The following PRKDC variants were observed in gnomAD, a reference collection of about 807,000 sequenced individuals.
PRKDC encodes the protein DNA-dependent protein kinase catalytic subunit.
In PRKDC, 82 loss-of-function variants were observed where a neutral mutation model predicts 486.9. The observed-to-expected ratio is 0.17, with a 90% CI of 0.14 to 0.20. The LOEUF is 0.20. Ranked by LOEUF, PRKDC falls within the 10% of genes least tolerant of loss-of-function variation. The pLI is 1.00. For synonymous variants in PRKDC, 1,895 were observed against 1,837.0 expected (o/e 1.03, Z -0.81); for missense variants, 4,504 against 5,038.2 (o/e 0.89, Z 3.21).
At chr8:47,823,728 C>T in intron 64 of PRKDC, 130 bp downstream of exon 64, 1 of 1,096,224 alleles carries the variant, frequency 9.1e-7, no homozygotes, top group Non-Finnish European at 1.3e-6. Context: ...TTTTCTTCCT[C>T]ATCAACATTG....
intron 21 of PRKDC, among the ~76,000 whole-genome samples, chr8:47,925,565 G>C (rs1342501614): frequency 6.6e-6 from 1 of 152,182 alleles, no homozygotes; most frequent in Non-Finnish European, 1.5e-5. Flanking sequence ...GAAATTAATA[G>C]GGCAAGTGAA....
chr8:47,858,476 A>T, intron 48 of PRKDC, 40 bp downstream of exon 48: 5 of 1,407,590 alleles, frequency 3.6e-6, no homozygotes, highest in Non-Finnish European at 4.8e-6. Flanking sequence ...ACAGACTTAC[A>T]GAATCTATTC....
chr8:47,842,496 G>A (rs559386222), intron 54 of PRKDC, among the ~76,000 whole-genome samples: 1 of 152,196 alleles, frequency 6.6e-6, no homozygotes, highest in Admixed American at 6.5e-5. Flanking sequence ...TCAGCCAGCT[G>A]AGAACACCCA....
intron 33 of PRKDC, 21 bp downstream of exon 33, chr8:47,888,993 G>T (rs45625437): frequency 1.2e-6 from 2 of 1,604,720 alleles, no homozygotes; most frequent in Admixed American, 3.3e-5. Flanking sequence ...ACATGTCCCC[G>T]ATTGTGACCC....
At chr8:47,812,046 TCCC>T (rs2087339981) in intron 68 of PRKDC, among the ~76,000 whole-genome samples, 1 of 152,176 alleles carries the variant, frequency 6.6e-6, no homozygotes, top group African/African-American at 2.4e-5. Flanking sequence ...TGCACATGTA[TCCC>T]AGAACTTAAT....
Position 47,939,598 on chromosome 8 carries a change from T to C in PRKDC, c.1066A>G (p.Asn356Asp). The change falls in exon 11 of 86, where the codon AAC (asparagine) becomes GAC (aspartate). Residue 356 changes from asparagine to aspartate, a missense_variant. Physicochemically the swap from Asn to Asp is conservative, Grantham distance 23. Coordinates refer to ENST00000314191, the MANE Select transcript of PRKDC (RefSeq NM_006904.7). The part of the protein sequence containing the change: ...YGIIRNVDSN[N>D]KELSIAIRGY... ...CGGATAGCAATAGATAACTCCTTGTTGTTCGAATCCACATTTCTGATGATT... is the reference window on the plus strand; with the variant it reads ...CGGATAGCAATAGATAACTCCTTGTCGTTCGAATCCACATTTCTGATGATT... 1 of 1,613,766 alleles carries C rather than the reference T, an allele frequency of 6.2e-7. No individual in the cohort carries two copies. Among genetic ancestry groups the C allele is most frequent in the Non-Finnish European group, 8.5e-7 (1 of 1,179,692 alleles).
In PRKDC at chr8:47,794,218, C is replaced by T. The variant is rs930715387; in HGVS notation, c.10670+72G>A. On this transcript the variant is annotated intron_variant, in intron 74 of 85. Coordinates refer to ENST00000314191, the MANE Select transcript of PRKDC (RefSeq NM_006904.7). ...AATTTGAAAACAAATGTAGTGTCCA[C>T]GTGTGTGCTTTAACCACATTTTTAT... 8.9e-6 allele frequency: 11 copies of T among 1,236,484 alleles called. No homozygotes were observed. In the East Asian group the frequency reaches 1.8e-4, roughly 20 times the overall value. The allele number at this position is 1,236,484 out of a possible 1,614,324, so 76.6% of individuals were successfully genotyped here. A position where few individuals can be genotyped will look rare whatever the true frequency, so the allele number is the denominator to read the frequency against.
chr8:47,908,719 G>A (rs762538771), intron 25 of PRKDC, among the ~76,000 whole-genome samples: 1 of 152,172 alleles, frequency 6.6e-6, no homozygotes, highest in Admixed American at 6.5e-5. Flanking sequence ...AAGGGGTGAC[G>A]TGAACGTTCA....
intron 36 of PRKDC, among the ~76,000 whole-genome samples, chr8:47,884,562 A>G (rs1215458728): frequency 6.6e-6 from 1 of 152,340 alleles, no homozygotes; most frequent in East Asian, 1.9e-4. Context: ...TGTTTTTTCT[A>G]TCATTTCCAT....
At chr8:47,826,214 A>G (rs555814440) in intron 63 of PRKDC, among the ~76,000 whole-genome samples, 33 of 152,378 alleles carry the variant, frequency 2.2e-4, no homozygotes, top group South Asian at 2.1e-3. Flanking sequence ...TGGTATAACT[A>G]GAAAATGGAA....
intron 38 of PRKDC, among the ~76,000 whole-genome samples, chr8:47,881,087 A>AAAGC (rs1354660911): frequency 6.7e-5 from 9 of 134,900 alleles, no homozygotes; most frequent in African/African-American, 2.3e-4. Context: ...AGAAAGCAAG[A>AAAGC]AAGCAAGCAA....
At chr8:47,879,717 A>G (rs1204789857) in intron 38 of PRKDC, 59 bp from the exon 39 acceptor site, 14 of 1,351,138 alleles carry the variant, frequency 1.0e-5, no homozygotes, top group Non-Finnish European at 1.2e-5. Context: ...ATCCTACAGA[A>G]TAAATAAAAT....
chr8:47,883,421 G>A (rs952294880), intron 36 of PRKDC, among the ~76,000 whole-genome samples: 1 of 152,058 alleles, frequency 6.6e-6, no homozygotes, highest in Non-Finnish European at 1.5e-5. Flanking sequence ...GCACCATGCT[G>A]GACACTCCAT....
At position 47,859,759 on chromosome 8, in the gene PRKDC, T is replaced by C. The variant is rs2088632070; in HGVS notation, c.6059A>G (p.Asp2020Gly). ...CAGGGAAGACATATAGGAAGGACCA[T>C]CTGAAATATAAAAAAGGAGAAAATT... ...EAREAANGDS[D>G]GPSYMSSLSY... The change falls in exon 46 of 86, where the codon GAT (aspartate) becomes GGT (glycine). Residue 2020 changes from aspartate (D) to glycine (G), a missense_variant and splice_region_variant. Physicochemically the swap from Asp to Gly is moderately conservative, Grantham distance 94. This residue lies in a region of PRKDC where 1,592 missense variants were observed against 1,724.6 expected (regional missense o/e 0.92). Coordinates refer to ENST00000314191, the MANE Select transcript of PRKDC (RefSeq NM_006904.7). The C allele has an allele frequency of 6.2e-7, 1 of 1,608,186 alleles. No homozygotes were observed.
intron 40 of PRKDC, among the ~76,000 whole-genome samples, chr8:47,877,218 C>T (rs1188714699): frequency 6.6e-6 from 1 of 152,180 alleles, no homozygotes; most frequent in Non-Finnish European, 1.5e-5. Context: ...ACTGAAGAGA[C>T]ATAACAGTGA....
chr8:47,781,820 T>C (rs1040076698), intron 80 of PRKDC, among the ~76,000 whole-genome samples: 1 of 152,354 alleles, frequency 6.6e-6, no homozygotes, highest in South Asian at 2.1e-4. Flanking sequence ...ACCTTGCAGG[T>C]TGTTGGTGAG....
At position 47,881,315 on chromosome 8, in the gene PRKDC, C is replaced by T. The variant is rs970456249; in HGVS notation, c.5067+101G>A. On this transcript the variant is annotated intron_variant, in intron 38 of 85. Transcript: ENST00000314191. Reference sequence around the variant, plus strand: ...GTGCTAGTCTCCCTACATTTGAACACGTTTGAAATTTTCCATAATAAAAAA... The same window carrying T: ...GTGCTAGTCTCCCTACATTTGAACATGTTTGAAATTTTCCATAATAAAAAA... The T allele has an allele frequency of 1.5e-5, 11 of 727,678 alleles. No individual in the cohort carries two copies. The Admixed American group carries it at 1.6e-4, about 10-fold the overall frequency. 45.1% of individuals were successfully genotyped at this position (727,678 alleles called of 1,614,324 possible).
intron 69 of PRKDC, 149 bp from the exon 70 acceptor site, chr8:47,803,629 A>G: frequency 2.8e-6 from 2 of 721,642 alleles, no homozygotes; most frequent in East Asian, 5.1e-5. Context: ...CTCTAAATTT[A>G]TCACTGGGAT....
Position 47,954,349 on chromosome 8 carries a change from A to T in PRKDC, c.497T>A (p.Ile166Lys). The change falls in exon 5 of 86, where the codon ATA becomes AAA. Residue 166 changes from isoleucine to lysine, a missense_variant. This residue lies in a region of PRKDC where 1,969 missense variants were observed against 2,068.9 expected (regional missense o/e 0.95). Transcript: ENST00000314191. ...TAAATGCATCTCACCTGTATCTGGT[A>T]TTTTTTTTTTCAATGCAAGTTCTCC... ...FYGELALKKK[I>K]PDTVLEKVYE... The T allele has an allele frequency of 8.5e-7, 1 of 1,177,232 alleles. No individual in the cohort carries two copies. The highest frequency in any genetic ancestry group is 1.2e-6 in the Non-Finnish European group (1 of 861,176). 72.9% of individuals were successfully genotyped at this position (1,177,232 alleles called of 1,614,324 possible). A position where few individuals can be genotyped will look rare whatever the true frequency, so the allele number is the denominator to read the frequency against.
Sources: allele counts gnomAD v4.1 joint callset (sites outside exome capture counted in the v4.1 genomes callset), GRCh38; gene constraint gnomAD v4.1.1; regional missense constraint gnomAD v4.1.1; transcripts MANE v1.5; gene names NCBI Gene and HGNC (gene_info 2026-07-23, HGNC 2026-07-21).